ADAM12: variants seen among roughly 807,000 people sequenced by gnomAD.
ADAM12 encodes ADAM metallopeptidase domain 12.
ADAM12 carries 70 observed loss-of-function variants against 106.4 expected under a neutral mutation model. The observed-to-expected ratio is 0.66, with a 90% CI of 0.54 to 0.80. The LOEUF (loss-of-function observed/expected upper bound fraction) is 0.80, where lower values mean the gene tolerates loss of function less well. Among genes scored for constraint, ADAM12 ranks in the 30% least tolerant of loss-of-function variants. The probability of loss-of-function intolerance (pLI) is 0.00; values close to 1 mark genes in which losing one functional copy is unlikely to be tolerated. For synonymous variants in ADAM12, 420 were observed against 433.5 expected, an observed-to-expected ratio of 0.97 and a Z score of 0.39; for missense variants, 1,010 against 1,171.9, an observed-to-expected ratio of 0.86 and a Z score of 2.02.
intron 2 of ADAM12, among the ~76,000 whole-genome samples, chr10:126,289,648 C>G (rs1960055467): frequency 6.6e-6 from 1 of 152,204 alleles, no homozygotes; most frequent in Non-Finnish European, 1.5e-5. Flanking sequence ...GGAGATGCAG[C>G]AATTCCTCCT....
intron 1 of ADAM12, among the ~76,000 whole-genome samples, chr10:126,382,993 G>A (rs1487667617): frequency 6.6e-6 from 1 of 152,104 alleles, no homozygotes; most frequent in Non-Finnish European, 1.5e-5. Flanking sequence ...CACCGAGGCT[G>A]GAGTAGCACG....
At chr10:126,296,940 G>T (rs1291770877) in intron 2 of ADAM12, among the ~76,000 whole-genome samples, 2 of 152,184 alleles carry the variant, frequency 1.3e-5, no homozygotes, top group African/African-American at 4.8e-5. Context: ...GATTCCTTCA[G>T]CCAAGCTGGT....
At chr10:126,275,483 G>A (rs530722644) in intron 3 of ADAM12, among the ~76,000 whole-genome samples, 1 of 152,264 alleles carries the variant, frequency 6.6e-6, no homozygotes, top group South Asian at 2.1e-4. Context: ...TAAAAATTCA[G>A]CCCTGTGCCA....
chr10:126,256,784 G>C (rs773219535), intron 3 of ADAM12, among the ~76,000 whole-genome samples: 2 of 152,130 alleles, frequency 1.3e-5, no homozygotes, highest in Non-Finnish European at 2.9e-5. Flanking sequence ...CTAGAGGATG[G>C]GGAGATAGTA....
chr10:126,155,115 G>A (rs1956789615), intron 4 of ADAM12, 112 bp downstream of exon 4: 1 of 1,168,160 alleles, frequency 8.6e-7, no homozygotes, highest in Non-Finnish European at 1.3e-6. Flanking sequence ...TTCTTGGGGG[G>A]GCCTAAGTTA....
intron 11 of ADAM12, among the ~76,000 whole-genome samples, chr10:126,076,195 T>C (rs1445115831): frequency 2.6e-5 from 4 of 152,238 alleles, no homozygotes; most frequent in African/African-American, 9.6e-5. Flanking sequence ...CTTGCTATTC[T>C]TGCACTAATT....
intron 3 of ADAM12, among the ~76,000 whole-genome samples, chr10:126,229,452 A>C (rs906027431): frequency 3.3e-5 from 4 of 123,050 alleles, no homozygotes; most frequent in Admixed American, 3.2e-4. Context: ...AGCCTTTTAA[A>C]ATTGTTTGTA....
intron 10 of ADAM12, 150 bp downstream of exon 10, chr10:126,098,266 T>C: frequency 1.5e-6 from 1 of 649,172 alleles, no homozygotes. Flanking sequence ...CTGTGGGATA[T>C]ATAAAATTAT....
At chr10:126,159,926 C>T (rs1031367179) in intron 3 of ADAM12, among the ~76,000 whole-genome samples, 65 of 152,152 alleles carry the variant, frequency 4.3e-4, no homozygotes, top group African/African-American at 1.5e-3. Context: ...GTTATGTCTT[C>T]TCTTGTCTAA....
Position 126,066,794 on chromosome 10 carries a change from G to T in ADAM12, c.1336C>A (p.Arg446Ser). Residue 446 changes from arginine to serine, a missense_variant, in exon 13 of 23, where the codon CGC becomes AGC. By Grantham distance (110) the Arg-to-Ser change is moderately radical (BLOSUM62 -1). Transcript: ENST00000448723. This position sits in a 1 kb window ranked among gnomAD's most constrained non-coding sequence, Gnocchi z 5.1. Reference sequence around the variant, plus strand: ...GTACAGGTGGTGGCATTGCAGCAGCGATTCATACATTCCTGGAAAGGGGAA... The same window carrying T: ...GTACAGGTGGTGGCATTGCAGCAGCTATTCATACATTCCTGGAAAGGGGAA... ...DCGEPEECMN[R>S]CCNATTCTLK... 1 of 1,614,046 alleles carries T rather than the reference G, an allele frequency of 6.2e-7. No homozygotes were observed. Among genetic ancestry groups the T allele is most frequent in the Non-Finnish European group, 8.5e-7 (1 of 1,179,906 alleles).
intron 21 of ADAM12, among the ~76,000 whole-genome samples, chr10:126,029,634 G>A (rs1953939758): frequency 6.6e-6 from 1 of 152,196 alleles, no homozygotes; most frequent in Non-Finnish European, 1.5e-5. Context: ...GATGAGATCT[G>A]TGCTGCAAAC....
intron 12 of ADAM12, among the ~76,000 whole-genome samples, chr10:126,068,131 A>G (rs529910411): frequency 6.6e-6 from 1 of 152,370 alleles, no homozygotes; most frequent in South Asian, 2.1e-4. Flanking sequence ...TCATAGCTGT[A>G]ACTTTTATGA....
At chr10:126,350,021 T>C (rs1331630145) in intron 1 of ADAM12, among the ~76,000 whole-genome samples, 1 of 152,172 alleles carries the variant, frequency 6.6e-6, no homozygotes, top group Non-Finnish European at 1.5e-5. Context: ...TTCCTTCAAC[T>C]CTGTGATTGC....
At chr10:126,177,716 A>C (rs58166730) in intron 3 of ADAM12, among the ~76,000 whole-genome samples, 4,399 of 152,324 alleles carry the variant, frequency 0.029, 188 homozygotes, top group African/African-American at 0.097. Context: ...ACAACAACAA[A>C]AAAATGAATC....
intron 3 of ADAM12, among the ~76,000 whole-genome samples, chr10:126,262,564 A>T (rs2133712898): frequency 6.6e-6 from 1 of 152,338 alleles, no homozygotes; most frequent in African/African-American, 2.4e-5. Flanking sequence ...GCTACCAAAA[A>T]ATAATGTTTT....
chr10:126,349,923 C>G (rs948419862), intron 1 of ADAM12, among the ~76,000 whole-genome samples: 1 of 152,168 alleles, frequency 6.6e-6, no homozygotes, highest in African/African-American at 2.4e-5. Flanking sequence ...CTCCAGAAGA[C>G]AGATTTCTAG....
intron 3 of ADAM12, among the ~76,000 whole-genome samples, chr10:126,181,979 G>C (rs1399106035): frequency 6.6e-6 from 1 of 152,194 alleles, no homozygotes; most frequent in Non-Finnish European, 1.5e-5. Context: ...TTGTTTCTCA[G>C]ATGGTAGCAG....
intron 1 of ADAM12, among the ~76,000 whole-genome samples, chr10:126,384,256 G>A (rs1054134288): frequency 1.4e-4 from 21 of 152,110 alleles, no homozygotes; most frequent in African/African-American, 4.1e-4. Context: ...TAAAGAATAC[G>A]AGCTTGTAAA....
intron 5 of ADAM12, among the ~76,000 whole-genome samples, chr10:126,128,126 G>A (rs1343015426): frequency 6.6e-6 from 1 of 152,120 alleles, no homozygotes; most frequent in Non-Finnish European, 1.5e-5. Context: ...AGTCACTTTT[G>A]TGGTCTCTGC....
Sources: gnomAD v4.1 joint callset for allele counts (sites outside exome capture counted in the v4.1 genomes callset) on GRCh38, gnomAD v4.1.1 for gene constraint, Gnocchi (gnomAD v3.1) non-coding constraint, MANE v1.5 for transcripts, NCBI Gene and HGNC (gene_info 2026-07-23, HGNC 2026-07-21) for gene names.